Variants in DAB1 observed in about 807,000 individuals in gnomAD.
The protein encoded by DAB1 is disabled homolog 1.
Under a neutral mutation model 64.6 loss-of-function variants are expected in DAB1, and 15 were observed. The ratio of observed to expected loss-of-function variants is 0.23; its 90% confidence interval spans 0.16 to 0.36. DAB1 has a LOEUF of 0.36. DAB1 is among the 10% of genes least tolerant of loss of function. The probability of loss-of-function intolerance (pLI) is 1.00; values close to 1 mark genes in which losing one functional copy is unlikely to be tolerated. For synonymous variants in DAB1, 235 were observed against 251.9 expected (o/e 0.93, Z 0.64); for missense variants, 596 against 706.7 (o/e 0.84, Z 1.78).
chr1:58,420,671 CCTTTA>C (rs1644763187), intron 3 of DAB1, among the ~76,000 whole-genome samples: 1 of 152,136 alleles, frequency 6.6e-6, no homozygotes, highest in African/African-American at 2.4e-5. Flanking sequence ...ACCTTGGGTA[CCTTTA>C]CTTAACACTT....
chr1:57,117,505 C>G (rs1656245720), intron 4 of DAB1, among the ~76,000 whole-genome samples: 1 of 152,168 alleles, frequency 6.6e-6, no homozygotes, highest in South Asian at 2.1e-4. Context: ...TTTTTATTTT[C>G]AAATAATGCC....
At chr1:57,722,877 C>A (rs1647167893) in intron 6 of DAB1, among the ~76,000 whole-genome samples, 1 of 152,092 alleles carries the variant, frequency 6.6e-6, no homozygotes, top group African/African-American at 2.4e-5. Flanking sequence ...AGTTATCTGT[C>A]CCACGCCCTA....
intron 6 of DAB1, among the ~76,000 whole-genome samples, chr1:57,786,267 A>G (rs1445381882): frequency 2.0e-5 from 3 of 152,216 alleles, no homozygotes; most frequent in Admixed American, 2.0e-4. Flanking sequence ...TTACTGAGAC[A>G]TGAACTTCGT....
intron 1 of DAB1, among the ~76,000 whole-genome samples, chr1:57,389,360 G>A (rs899193680): frequency 1.3e-5 from 2 of 152,164 alleles, no homozygotes; most frequent in Non-Finnish European, 2.9e-5. Context: ...TGGCATGTAA[G>A]GTTCTGCATG....
At chr1:57,802,933 T>G (rs765664898) in intron 6 of DAB1, among the ~76,000 whole-genome samples, 6 of 152,208 alleles carry the variant, frequency 3.9e-5, no homozygotes, top group Non-Finnish European at 5.9e-5. Context: ...GCCTGGCCTT[T>G]CTAGGTCTAC....
At chr1:57,159,901 C>T (rs974165487) in intron 2 of DAB1, among the ~76,000 whole-genome samples, 2 of 141,464 alleles carry the variant, frequency 1.4e-5, no homozygotes, top group Non-Finnish European at 3.1e-5. Flanking sequence ...GGTTTTAAGA[C>T]GGTAAAGACA....
At chr1:58,084,092 A>G (rs1024925866) in intron 5 of DAB1, among the ~76,000 whole-genome samples, 29 of 152,318 alleles carry the variant, frequency 1.9e-4, no homozygotes, top group African/African-American at 6.0e-4. Context: ...TGTCTCTTTA[A>G]ATAATGTATA....
At chr1:58,483,838 C>A (rs10489815) in intron 3 of DAB1, among the ~76,000 whole-genome samples, 27,047 of 152,128 alleles carry the variant, frequency 0.18, 2,545 homozygotes, top group Middle Eastern at 0.23. Context: ...AGTTCCTTTA[C>A]AATGATGTTA....
At chr1:57,079,904 C>T (rs1466865438) in intron 4 of DAB1, among the ~76,000 whole-genome samples, 1 of 152,102 alleles carries the variant, frequency 6.6e-6, no homozygotes, top group Admixed American at 6.5e-5. Context: ...GGAGAGACCC[C>T]TCAGTTTGCC....
chr1:57,808,111 TC>T (rs1258656871), intron 6 of DAB1, among the ~76,000 whole-genome samples: 1 of 152,022 alleles, frequency 6.6e-6, no homozygotes, highest in African/African-American at 2.4e-5. Flanking sequence ...CCTGCATTGC[TC>T]AAGGGTCAAC....
chr1:57,839,371 T>C (rs939579774), intron 1 of DAB1, among the ~76,000 whole-genome samples: 1 of 152,164 alleles, frequency 6.6e-6, no homozygotes, highest in East Asian at 1.9e-4. Flanking sequence ...CCTGATGACA[T>C]GAAGTGCCCC....
At chr1:58,155,169 T>C (rs1234487228) in intron 4 of DAB1, among the ~76,000 whole-genome samples, 2 of 152,176 alleles carry the variant, frequency 1.3e-5, no homozygotes, top group African/African-American at 4.8e-5. Context: ...TCTGCAGGTG[T>C]TGGAAAAATG....
chr1:57,016,480 A>C lies in DAB1; in HGVS notation c.896-1049T>G, dbSNP rs1053039777. On this transcript the variant is annotated intron_variant, in intron 11 of 14. Coordinates refer to ENST00000371236, the MANE Select transcript of DAB1 (RefSeq NM_001365792.1). Reference sequence around the variant, plus strand: ...ATGCTCAGAGTTCCATAGTCTCGGCACTCAGGAGGCTGAGGCGGGAGGATC... The same window carrying C: ...ATGCTCAGAGTTCCATAGTCTCGGCCCTCAGGAGGCTGAGGCGGGAGGATC... Among the ~76,000 whole-genome samples, 15 of 152,038 alleles carry C rather than the reference A, an allele frequency of 9.9e-5. No homozygotes were observed. The East Asian group carries it at 2.7e-3, about 27-fold the overall frequency.
At chr1:58,174,881 A>G (rs888346280) in intron 4 of DAB1, among the ~76,000 whole-genome samples, 6 of 152,196 alleles carry the variant, frequency 3.9e-5, no homozygotes, top group South Asian at 4.1e-4. Context: ...GTCTAGCTAA[A>G]GGATTGTAAA....
At chr1:58,205,300 T>A (rs945164703) in intron 4 of DAB1, among the ~76,000 whole-genome samples, 4 of 152,176 alleles carry the variant, frequency 2.6e-5, no homozygotes, top group Admixed American at 6.5e-5. Flanking sequence ...TCTGCAAAGA[T>A]TGTGTTATTT....
At chr1:58,363,978 G>A (rs190957580) in intron 3 of DAB1, among the ~76,000 whole-genome samples, 4 of 152,338 alleles carry the variant, frequency 2.6e-5, no homozygotes, top group East Asian at 1.9e-4. Flanking sequence ...GAGGTAGGTA[G>A]CTCTACGCCT....
chr1:57,945,443 ATTAT>A lies in DAB1; in HGVS notation n.388-61285_388-61282del, dbSNP rs1391922313. Among the ~76,000 whole-genome samples the A allele has an allele frequency of 2.7e-5, 4 of 150,354 alleles. No individual in the cohort carries two copies. In the East Asian group the frequency reaches 5.9e-4, roughly 22 times the overall value. On this transcript the variant is annotated intron_variant and non_coding_transcript_variant, in intron 5 of 20. Coordinates refer to the DAB1 transcript ENST00000485760. ...CTTGCTAATTGTTATTATTATTATTATTATTATTATTATTTTGGCAGAGATGGGG... is the reference window on the plus strand; with the variant it reads ...CTTGCTAATTGTTATTATTATTATTATATTATTATTTTGGCAGAGATGGGG...
chr1:58,424,238 T>C (rs927849081), intron 3 of DAB1, among the ~76,000 whole-genome samples: 1 of 152,224 alleles, frequency 6.6e-6, no homozygotes, highest in Non-Finnish European at 1.5e-5. Context: ...TTTCCTCTTA[T>C]TCAGTCTTTT....
intron 5 of DAB1, among the ~76,000 whole-genome samples, chr1:58,069,619 T>C (rs879335751): frequency 3.2e-4 from 49 of 152,316 alleles, no homozygotes; most frequent in Non-Finnish European, 6.3e-4. Flanking sequence ...TCTGTGACTG[T>C]CACTGTCTGT....
Sources: allele counts gnomAD v4.1 joint callset (sites outside exome capture counted in the v4.1 genomes callset), GRCh38; gene constraint gnomAD v4.1.1; transcripts MANE v1.5; gene names NCBI Gene and HGNC (gene_info 2026-07-23, HGNC 2026-07-21).